C12orf42: variants seen among roughly 807,000 people sequenced by gnomAD.
C12orf42 encodes uncharacterized protein C12orf42.
C12orf42 carries 25 observed loss-of-function variants against 21.6 expected under a neutral mutation model. The observed-to-expected ratio is 1.16, with a 90% CI of 0.84 to 1.62. C12orf42 has a LOEUF of 1.62. C12orf42 is among the 40% of genes most tolerant of loss of function. The pLI, the probability that C12orf42 is intolerant of heterozygous loss-of-function variation, is 0.00. For synonymous variants in C12orf42, 174 were observed against 175.0 expected (o/e 0.99, Z 0.05); for missense variants, 483 against 459.3 (o/e 1.05, Z -0.47).
intron 1 of C12orf42, among the ~76,000 whole-genome samples, chr12:103,478,686 A>G (rs201880992): frequency 6.6e-6 from 1 of 151,636 alleles, no homozygotes; most frequent in South Asian, 2.1e-4. Context: ...CTTGGCCTCA[A>G]TAAAATTCTA....
the C12orf42 span, among the ~76,000 whole-genome samples, chr12:103,150,119 G>A: frequency 6.6e-6 from 1 of 152,118 alleles, no homozygotes; most frequent in Non-Finnish European, 1.5e-5. Context: ...GTATATATAT[G>A]CTCCTAAAAT....
the C12orf42 span, among the ~76,000 whole-genome samples, chr12:103,530,626 C>CAG: frequency 6.6e-6 from 1 of 150,896 alleles, no homozygotes; most frequent in African/African-American, 2.4e-5. Flanking sequence ...GGCAAGTGTT[C>CAG]GGGGGGGGAA....
chr12:103,220,226 C>T, the C12orf42 span, among the ~76,000 whole-genome samples: 2 of 152,000 alleles, frequency 1.3e-5, no homozygotes, highest in African/African-American at 4.8e-5. Flanking sequence ...CACATGGACA[C>T]AGGGAGGGGA....
At chr12:103,546,902 T>G in the C12orf42 span, among the ~76,000 whole-genome samples, 1 of 152,186 alleles carries the variant, frequency 6.6e-6, no homozygotes, top group African/African-American at 2.4e-5. Flanking sequence ...GACACGGAGA[T>G]GATGAACAGG....
At chr12:103,144,500 G>T in the C12orf42 span, among the ~76,000 whole-genome samples, 4 of 152,318 alleles carry the variant, frequency 2.6e-5, no homozygotes, top group African/African-American at 9.6e-5. Context: ...TATCGTAGAG[G>T]CAGAGAGTAC....
intron 4 of C12orf42, among the ~76,000 whole-genome samples, chr12:103,308,821 C>T (rs2038645044): frequency 6.6e-6 from 1 of 152,114 alleles, no homozygotes; most frequent in Non-Finnish European, 1.5e-5. Flanking sequence ...AATGGTGGTC[C>T]TTAATCCAAT....
chr12:103,082,278 G>A, the C12orf42 span, among the ~76,000 whole-genome samples: 27 of 152,210 alleles, frequency 1.8e-4, no homozygotes, highest in African/African-American at 6.5e-4. Flanking sequence ...AAAAGAGGAT[G>A]AAATTGTTAA....
chr12:103,375,160 C>T (rs983170814), intron 3 of C12orf42, among the ~76,000 whole-genome samples: 7 of 152,048 alleles, frequency 4.6e-5, no homozygotes, highest in African/African-American at 7.2e-5. Context: ...AGCCACTTTC[C>T]GTTTCTTGTA....
At chr12:103,376,186 G>C (rs575789337) in intron 3 of C12orf42, among the ~76,000 whole-genome samples, 1 of 152,260 alleles carries the variant, frequency 6.6e-6, no homozygotes, top group African/African-American at 2.4e-5. Flanking sequence ...CCTGAATAAA[G>C]AAAATGTGGC....
At chr12:103,062,206 A>G in the C12orf42 span, among the ~76,000 whole-genome samples, 1 of 151,208 alleles carries the variant, frequency 6.6e-6, no homozygotes, top group Non-Finnish European at 1.5e-5. Context: ...ATTTATTTAT[A>G]TATATACATA....
chr12:103,315,026 A>C (rs2039323556), intron 4 of C12orf42, among the ~76,000 whole-genome samples: 2 of 152,194 alleles, frequency 1.3e-5, no homozygotes, highest in Non-Finnish European at 2.9e-5. Context: ...AGGAAAAAGA[A>C]AGAACACTGG....
chr12:103,481,527 T>C (rs996619554), intron 1 of C12orf42, among the ~76,000 whole-genome samples: 2 of 151,950 alleles, frequency 1.3e-5, no homozygotes, highest in African/African-American at 4.8e-5. Flanking sequence ...TCTTTTTTTA[T>C]TGGTATTTTT....
chr12:103,538,399 C>T, the C12orf42 span, among the ~76,000 whole-genome samples: 1 of 152,166 alleles, frequency 6.6e-6, no homozygotes, highest in African/African-American at 2.4e-5. Flanking sequence ...GCATTCATCC[C>T]CAATCCTTCC....
the C12orf42 span, among the ~76,000 whole-genome samples, chr12:103,177,925 T>C: frequency 6.6e-6 from 1 of 152,014 alleles, no homozygotes; most frequent in South Asian, 2.1e-4. Flanking sequence ...AACATGTAAA[T>C]AAAGAATGGA....
chr12:103,416,034 G>GCT, intron 2 of C12orf42, among the ~76,000 whole-genome samples: 1 of 146,942 alleles, frequency 6.8e-6, no homozygotes, highest in Admixed American at 6.8e-5. Context: ...TGTTTAGTGG[G>GCT]TTTTTTTTTT....
chr12:103,372,007 T>C (rs1269066618), intron 3 of C12orf42, among the ~76,000 whole-genome samples: 4 of 152,084 alleles, frequency 2.6e-5, no homozygotes, highest in Non-Finnish European at 5.9e-5. Flanking sequence ...CCATACTGCT[T>C]CCACATTTTA....
chr12:103,394,124 C>T (rs1321120040), intron 3 of C12orf42, among the ~76,000 whole-genome samples: 1 of 152,132 alleles, frequency 6.6e-6, no homozygotes. Flanking sequence ...CTTAAATGCC[C>T]AAAGAAGCAC....
At chr12:103,542,208 T>C in the C12orf42 span, among the ~76,000 whole-genome samples, 3 of 152,214 alleles carry the variant, frequency 2.0e-5, no homozygotes, top group Non-Finnish European at 4.4e-5. Flanking sequence ...GACTATAGTG[T>C]TGCATTTACT....
the C12orf42 span, among the ~76,000 whole-genome samples, chr12:103,506,926 A>ATATATATATTATATT: frequency 9.7e-4 from 5 of 5,132 alleles, 2 homozygotes; most frequent in Non-Finnish European, 1.7e-3. Flanking sequence ...TTTATATATT[A>ATATATATATTATATT]TATATATATT....
Sources: allele counts gnomAD v4.1 joint callset (sites outside exome capture counted in the v4.1 genomes callset), GRCh38; gene constraint gnomAD v4.1.1; transcripts MANE v1.5; gene names NCBI Gene and HGNC (gene_info 2026-07-23, HGNC 2026-07-21).